The following SFTPD variants were observed in gnomAD, a reference collection of about 807,000 sequenced individuals.
SFTPD encodes the protein pulmonary surfactant-associated protein D.
Under a neutral mutation model 34.6 loss-of-function variants are expected in SFTPD, and 18 were observed. The observed-to-expected ratio is 0.52, with a 90% CI of 0.36 to 0.77. SFTPD has a LOEUF of 0.77. Among genes scored for constraint, SFTPD ranks in the 30% least tolerant of loss-of-function variants. The pLI, the probability that SFTPD is intolerant of heterozygous loss-of-function variation, is 0.00. For synonymous variants in SFTPD, 155 were observed against 180.9 expected, an observed-to-expected ratio of 0.86 and a Z score of 1.15; for missense variants, 433 against 468.9, an observed-to-expected ratio of 0.92 and a Z score of 0.71.
intron 1 of SFTPD, among the ~76,000 whole-genome samples, chr10:79,980,803 A>G (rs572301984): frequency 2.0e-5 from 3 of 152,372 alleles, no homozygotes; most frequent in Non-Finnish European, 4.4e-5. Flanking sequence ...CAGTGACCAA[A>G]TAATTCGATT....
In SFTPD at chr10:79,937,941, C is replaced by A; in HGVS notation, c.1039G>T (p.Gly347Trp). The A allele has an allele frequency of 6.2e-7, 1 of 1,612,274 alleles. No homozygotes were observed. Among genetic ancestry groups the A allele is most frequent in the Non-Finnish European group, 8.5e-7 (1 of 1,178,856 alleles). The part of the protein sequence containing the change: ...WAPGEPNDDG[G>W]SEDCVEIFTN... ...AAGATCTCCACACAGTCCTCTGACC[C>A]GCCATCATCGTTGGGCTCCCCTGGG... is the stretch of plus-strand genomic sequence containing the variant. The change falls in exon 8 of 8, where the codon GGG becomes TGG. Residue 347 changes from glycine (G) to tryptophan (W), a missense_variant. Physicochemically the swap from Gly to Trp is radical, Grantham distance 184 (BLOSUM62 -2). Transcript: ENST00000372292.
rs997100818 is a variant in SFTPD at position 79,945,835 on chromosome 10, C to T, written c.199+626G>A. 5.3e-5 allele frequency among the ~76,000 whole-genome samples: 8 copies of T among 152,306 alleles called. No homozygotes were observed. In the East Asian group the frequency reaches 1.4e-3, roughly 26 times the overall value. The stretch of plus-strand genomic sequence containing the variant: ...TCTGATGCAGAGCCTTCGTCCTTTC[C>T]ACCTCCAGAATGGTTGCTACTTAGC... On this transcript the variant is annotated intron_variant, in intron 2 of 7. Transcript: ENST00000372292.
intron 2 of SFTPD, 41 bp downstream of exon 2, chr10:79,946,420 C>G: frequency 6.9e-7 from 1 of 1,447,406 alleles, no homozygotes; most frequent in Non-Finnish European, 9.7e-7. Flanking sequence ...GTTCCAATGA[C>G]CATTCCTCCC....
At chr10:79,950,301 G>A (rs533173536), upstream of SFTPD, 2 of 152,112 alleles carry the variant, frequency 1.3e-5, no homozygotes, top group African/African-American at 2.4e-5. Context: ...TCACTTTAAT[G>A]TGCTTTTATG....
At chr10:79,942,587 G>T in intron 3 of SFTPD, 83 bp from the exon 4 acceptor site, 1 of 1,007,568 alleles carries the variant, frequency 9.9e-7, no homozygotes, top group Non-Finnish European at 1.6e-6. Context: ...TAATAACAGA[G>T]GTAAGGGAGG....
In SFTPD at chr10:79,964,615, C is replaced by T. The variant is rs145326239; in HGVS notation, c.37-17953G>A. 4.7e-3 allele frequency among the ~76,000 whole-genome samples: 719 copies of T among 152,224 alleles called. 9 individuals are homozygous for T. The highest frequency in any genetic ancestry group is 0.016 in the African/African-American group (662 of 41,532). On this transcript the variant is annotated intron_variant, in intron 1 of 5. Transcript: ENST00000444384. ...AACCTCTTCCTTGTAGGTTACAAGCCGCTAGCCCGCCTCTTAGAACCTCTT... is the reference window on the plus strand; with the variant it reads ...AACCTCTTCCTTGTAGGTTACAAGCTGCTAGCCCGCCTCTTAGAACCTCTT...
chr10:79,956,902 AGTAG>A (rs1328149300), intron 1 of SFTPD, among the ~76,000 whole-genome samples: 1 of 152,156 alleles, frequency 6.6e-6, no homozygotes, highest in Non-Finnish European at 1.5e-5. Context: ...GGCACCCCCC[AGTAG>A]GGACAGACTG....
intron 1 of SFTPD, among the ~76,000 whole-genome samples, chr10:79,954,839 A>G (rs1471906196): frequency 6.6e-6 from 1 of 152,216 alleles, no homozygotes; most frequent in Non-Finnish European, 1.5e-5. Flanking sequence ...ACAAGTCCAC[A>G]GTGCAGAGTC....
intron 1 of SFTPD, among the ~76,000 whole-genome samples, chr10:79,979,637 A>G (rs1842880439): frequency 6.6e-6 from 1 of 152,244 alleles, no homozygotes. Flanking sequence ...TGTCCATTCC[A>G]GGGGTCAGAA....
intron 7 of SFTPD, among the ~76,000 whole-genome samples, chr10:79,939,508 T>C (rs1842590676): frequency 6.6e-6 from 1 of 152,222 alleles, no homozygotes. Context: ...TTCATCTGGA[T>C]GTGTGTGCAT....
At chr10:79,943,794 G>T (rs1842639809) in intron 2 of SFTPD, among the ~76,000 whole-genome samples, 1 of 152,216 alleles carries the variant, frequency 6.6e-6, no homozygotes, top group Non-Finnish European at 1.5e-5. Flanking sequence ...AGCACAGAGG[G>T]TTATAGGATG....
chr10:79,942,806 G>T lies in SFTPD; in HGVS notation c.273C>A (p.Gly91=), dbSNP rs1280986768. ...CCTTTGGTCCAGGTTCTCCAACAGA[G>T]CCATTGTCCCCTTTGGGCCCAACTG... ...AGPVGPKGDN[G]SVGEPGPKGD... is the part of the protein sequence containing the mutation. Residue 91 remains glycine (G), a synonymous_variant, in exon 3 of 8, where the codon GGC becomes GGA. Coordinates refer to ENST00000372292, the MANE Select transcript of SFTPD (RefSeq NM_003019.5). The T allele has an allele frequency of 6.2e-7, 1 of 1,613,718 alleles. No individual in the cohort carries two copies. Among genetic ancestry groups the T allele is most frequent in the East Asian group, 2.2e-5 (1 of 44,860 alleles).
At chr10:79,953,100 C>T (rs116497548), upstream of SFTPD, among the ~76,000 whole-genome samples, 40 of 152,326 alleles carry the variant, frequency 2.6e-4, no homozygotes, top group African/African-American at 8.9e-4. Context: ...TCCACTCAGA[C>T]CATGATTATT....
chr10:79,945,194 C>T (rs1183351647), intron 2 of SFTPD, among the ~76,000 whole-genome samples: 38 of 152,134 alleles, frequency 2.5e-4, no homozygotes, highest in Admixed American at 2.5e-3. Context: ...GCAGCAAGCT[C>T]CCAGGGCCAT....
At position 79,942,376 on chromosome 10, in the gene SFTPD, C is replaced by T. The variant is rs190663495; in HGVS notation, c.433+12G>A. On this transcript the variant is annotated intron_variant, in intron 4 of 7. Transcript: ENST00000372292. ...TTTCCCTTCTCAGACTGGCCACAGA[C>T]CAGCCACCTACCTTTGGGCCCAGCT... 5.1e-6 allele frequency: 8 copies of T among 1,572,024 alleles called. No homozygotes were observed. In the African/African-American group the frequency reaches 9.4e-5, roughly 19 times the overall value.
intron 1 of SFTPD, among the ~76,000 whole-genome samples, chr10:79,973,606 A>T (rs567975815): frequency 7.2e-6 from 1 of 139,212 alleles, no homozygotes; most frequent in African/African-American, 2.9e-5. Context: ...CGACAGAGCA[A>T]GACTCTGTCT....
upstream of SFTPD, among the ~76,000 whole-genome samples, chr10:79,949,523 C>T (rs12219080): frequency 0.089 from 13,568 of 152,204 alleles, 1,169 homozygotes; most frequent in East Asian, 0.39. Context: ...AACAGCACTG[C>T]CCAGATATTG....
chr10:79,971,207 C>T (rs776264052), intron 1 of SFTPD: 15 of 152,044 alleles, frequency 9.9e-5, no homozygotes, highest in Non-Finnish European at 1.5e-5. Context: ...TGCAATAAAT[C>T]CCAATTGATT....
At chr10:79,979,420 A>G (rs956319482) in intron 1 of SFTPD, among the ~76,000 whole-genome samples, 6 of 152,234 alleles carry the variant, frequency 3.9e-5, no homozygotes, top group Non-Finnish European at 8.8e-5. Flanking sequence ...GTGAAGAGGG[A>G]AGGAAAGAGT....
Sources: gnomAD v4.1 joint callset for allele counts (sites outside exome capture counted in the v4.1 genomes callset) on GRCh38, gnomAD v4.1.1 for gene constraint, MANE v1.5 for transcripts, NCBI Gene and HGNC (gene_info 2026-07-23, HGNC 2026-07-21) for gene names.